Variants in TENM4 observed in about 807,000 individuals in gnomAD.
TENM4 encodes teneurin-4.
In TENM4, 82 loss-of-function variants were observed where a neutral mutation model predicts 243.3. The ratio of observed to expected loss-of-function variants is 0.34; its 90% CI spans 0.28 to 0.40. The LOEUF (loss-of-function observed/expected upper bound fraction) is 0.40, where lower values mean the gene tolerates loss of function less well. Among genes scored for constraint, TENM4 ranks in the 10% least tolerant of loss-of-function variants. The pLI, the probability that TENM4 is intolerant of heterozygous loss-of-function variation, is 1.00. For missense variants in TENM4, 3,138 were observed against 3,673.3 expected, an observed-to-expected ratio of 0.85 and a Z score of 3.77; for synonymous variants, 1,412 against 1,456.3, an observed-to-expected ratio of 0.97 and a Z score of 0.69.
intron 9 of TENM4, among the ~76,000 whole-genome samples, chr11:78,881,674 C>T (rs1011317176): frequency 6.6e-5 from 10 of 152,178 alleles, no homozygotes; most frequent in Admixed American, 2.0e-4. Flanking sequence ...CCCCATAACC[C>T]GCTGCCTGAA....
intron 3 of TENM4, among the ~76,000 whole-genome samples, chr11:79,163,396 C>T (rs1023148422): frequency 6.6e-6 from 1 of 151,964 alleles, no homozygotes; most frequent in African/African-American, 2.4e-5. Flanking sequence ...CACTGGAGGC[C>T]TGCCGAACTT....
Position 79,069,750 on chromosome 11 carries a change from C to T in TENM4, c.195G>A (p.Pro65=), listed in dbSNP as rs1394643292. ...TGCGGCAGAATTCCTCGGCCTCCTGCGGCACAATGTCCTTGACGCGGCTGC... is the reference window on the plus strand; with the variant it reads ...TGCGGCAGAATTCCTCGGCCTCCTGTGGCACAATGTCCTTGACGCGGCTGC... The part of the protein sequence containing the change: ...AYGSRVKDIV[P]QEAEEFCRTG... Residue 65 remains proline (P), a synonymous_variant, in exon 5 of 34, where the codon CCG becomes CCA. Coordinates refer to ENST00000278550, the MANE Select transcript of TENM4 (RefSeq NM_001098816.3). 8 of 1,550,930 alleles carry T rather than the reference C, an allele frequency of 5.2e-6. No homozygotes were observed. Among genetic ancestry groups the T allele is most frequent in the South Asian group, 3.6e-5 (3 of 84,062 alleles).
At chr11:78,953,334 G>A (rs1857143360) in intron 6 of TENM4, among the ~76,000 whole-genome samples, 1 of 152,164 alleles carries the variant, frequency 6.6e-6, no homozygotes, top group African/African-American at 2.4e-5. Flanking sequence ...TGACTCCCAG[G>A]CTGAGCTGTT....
At chr11:79,140,678 T>G (rs2135028503) in intron 4 of TENM4, among the ~76,000 whole-genome samples, 1 of 152,262 alleles carries the variant, frequency 6.6e-6, no homozygotes, top group East Asian at 1.9e-4. Flanking sequence ...CACATTTTTG[T>G]AATAAAATAA....
intron 6 of TENM4, among the ~76,000 whole-genome samples, chr11:79,003,273 C>T (rs914653580): frequency 3.3e-5 from 5 of 151,742 alleles, no homozygotes; most frequent in Non-Finnish European, 7.4e-5. Context: ...CTAGAGAGGC[C>T]AACATTTAAA....
chr11:78,918,204 G>A (rs915450944), intron 6 of TENM4, among the ~76,000 whole-genome samples: 2 of 152,120 alleles, frequency 1.3e-5, no homozygotes, highest in Non-Finnish European at 2.9e-5. Flanking sequence ...TAGTATTTAA[G>A]AATGTCCTCT....
intron 6 of TENM4, among the ~76,000 whole-genome samples, chr11:78,978,564 C>CT (rs946520804): frequency 3.8e-4 from 58 of 151,908 alleles, no homozygotes; most frequent in African/African-American, 1.3e-3. Context: ...TCTACCCATC[C>CT]TTTTTTTTCC....
At chr11:78,700,506 A>C (rs993079241) in intron 28 of TENM4, among the ~76,000 whole-genome samples, 1 of 152,226 alleles carries the variant, frequency 6.6e-6, no homozygotes, top group Non-Finnish European at 1.5e-5. Context: ...ATGGTGACAT[A>C]TTCAGCAATC....
intron 12 of TENM4, among the ~76,000 whole-genome samples, chr11:78,827,060 G>T (rs1402380120): frequency 6.6e-6 from 1 of 152,086 alleles, no homozygotes; most frequent in Non-Finnish European, 1.5e-5. Flanking sequence ...TACTCACTTA[G>T]CATTTTTCAA....
intron 2 of TENM4, among the ~76,000 whole-genome samples, chr11:79,276,712 C>G (rs489746): frequency 6.6e-5 from 10 of 152,016 alleles, no homozygotes; most frequent in Non-Finnish European, 1.2e-4. Context: ...GTCATCCTTA[C>G]AGGAGACTTT....
intron 4 of TENM4, among the ~76,000 whole-genome samples, chr11:79,095,144 G>A (rs912768451): frequency 6.6e-6 from 1 of 152,262 alleles, no homozygotes; most frequent in Admixed American, 6.5e-5. Flanking sequence ...ATGGGGTCCA[G>A]GCTGCAGTCA....
At chr11:79,244,215 G>A (rs905303091) in intron 2 of TENM4, among the ~76,000 whole-genome samples, 6 of 152,150 alleles carry the variant, frequency 3.9e-5, no homozygotes, top group Non-Finnish European at 5.9e-5. Context: ...CTCCTGGCTC[G>A]GGGAAAATGT....
At chr11:79,377,851 CA>C (rs2135519778) in intron 1 of TENM4, among the ~76,000 whole-genome samples, 1 of 151,440 alleles carries the variant, frequency 6.6e-6, no homozygotes, top group East Asian at 1.9e-4. Flanking sequence ...AAACACAAGC[CA>C]AAAAACAAAA....
intron 4 of TENM4, among the ~76,000 whole-genome samples, chr11:79,100,070 G>A (rs758125837): frequency 6.6e-6 from 1 of 152,152 alleles, no homozygotes; most frequent in Non-Finnish European, 1.5e-5. Context: ...AGGTGGAGGA[G>A]GGGAGACAAC....
At position 78,670,333 on chromosome 11, in the gene TENM4, C is replaced by G. The variant is rs747809687; in HGVS notation, c.6012G>C (p.Leu2004=). ...TGTATATCACCCTGCGGCCAGTGCC[C>G]AGGTAGAAGGTGTGAAGGAGGTGCC... ...EDGHLLHTFY[L]GTGRRVIYKY... Residue 2004 remains leucine (L), a synonymous_variant, in exon 32 of 34, where the codon CTG becomes CTC. Transcript: ENST00000278550. 6.2e-6 allele frequency: 10 copies of G among 1,613,748 alleles called. No homozygotes were observed. The highest frequency in any genetic ancestry group is 7.6e-6 in the Non-Finnish European group (9 of 1,179,860).
At chr11:79,305,138 G>T (rs1856605726) in intron 1 of TENM4, among the ~76,000 whole-genome samples, 1 of 152,232 alleles carries the variant, frequency 6.6e-6, no homozygotes, top group African/African-American at 2.4e-5. Context: ...TGGTGGCTGG[G>T]AAGAGTGAAA....
At chr11:79,124,508 C>A (rs932026089) in intron 4 of TENM4, among the ~76,000 whole-genome samples, 1 of 151,962 alleles carries the variant, frequency 6.6e-6, no homozygotes, top group Non-Finnish European at 1.5e-5. Context: ...GCTGGACTGG[C>A]TCTCTTTGCT....
At position 78,738,549 on chromosome 11, in the gene TENM4, G is replaced by A; in HGVS notation, c.2778C>T (p.Gly926=). ...GGGTTCCATCTGATGTCATCACTTG[G>A]CCACGAATAACACAAGCATGCCTGT... ...FDGGHACVIR[G]QVMTSDGTPL... The change falls in exon 20 of 34, where the codon GGC becomes GGT. Residue 926 remains glycine (G), a synonymous_variant. Transcript: ENST00000278550. 8 of 1,613,632 alleles carry A rather than the reference G, an allele frequency of 5.0e-6. No individual in the cohort carries two copies. The highest frequency in any genetic ancestry group is 6.8e-6 in the Non-Finnish European group (8 of 1,179,732).
Position 79,069,711 on chromosome 11 carries a change from C to G in TENM4, c.223+11G>C. ...TGCGCCTGAGGCCCGCCCCCTCGGC[C>G]TTGTCCTTACCTGTGCGGCAGAATT... On this transcript the variant is annotated intron_variant, in intron 5 of 33. Coordinates refer to ENST00000278550, the MANE Select transcript of TENM4 (RefSeq NM_001098816.3). 1 of 1,548,002 alleles carries G rather than the reference C, an allele frequency of 6.5e-7. No homozygotes were observed. The highest frequency in any genetic ancestry group is 1.4e-5 in the African/African-American group (1 of 73,138).
Sources: gnomAD v4.1 joint callset for allele counts (sites outside exome capture counted in the v4.1 genomes callset) on GRCh38, gnomAD v4.1.1 for gene constraint, MANE v1.5 for transcripts, NCBI Gene and HGNC (gene_info 2026-07-23, HGNC 2026-07-21) for gene names.